Variants in GFRA1 observed in about 807,000 individuals in gnomAD.
The protein encoded by GFRA1 is GDNF family receptor alpha 1.
Under a neutral mutation model 51.6 loss-of-function variants are expected in GFRA1, and 16 were observed. The ratio of observed to expected loss-of-function variants is 0.31; its 90% CI spans 0.21 to 0.47. GFRA1 has a LOEUF of 0.47. GFRA1 is among the 20% of genes least tolerant of loss of function. The probability of loss-of-function intolerance (pLI) is 1.00; values close to 1 mark genes in which losing one functional copy is unlikely to be tolerated. For missense variants in GFRA1, 530 were observed against 594.3 expected (o/e 0.89, Z 1.13); for synonymous variants, 270 against 241.3 (o/e 1.12, Z -1.10).
chr10:116,238,826 G>T (rs1967115469), intron 4 of GFRA1, among the ~76,000 whole-genome samples: 1 of 152,008 alleles, frequency 6.6e-6, no homozygotes, highest in Non-Finnish European at 1.5e-5. Flanking sequence ...ATGCTACAAT[G>T]CCAAAAAAAA....
intron 4 of GFRA1, among the ~76,000 whole-genome samples, chr10:116,212,223 G>A (rs1434352429): frequency 6.6e-6 from 1 of 151,992 alleles, no homozygotes; most frequent in Non-Finnish European, 1.5e-5. Context: ...CTGACACCAG[G>A]AAACACACAT....
chr10:116,221,636 G>C (rs1449835105), intron 4 of GFRA1, among the ~76,000 whole-genome samples: 1 of 152,128 alleles, frequency 6.6e-6, no homozygotes, highest in African/African-American at 2.4e-5. Context: ...TGTTGGCCAG[G>C]CTGGTCTCAA....
chr10:116,080,352 C>T (rs1299513139), intron 9 of GFRA1, among the ~76,000 whole-genome samples: 2 of 152,126 alleles, frequency 1.3e-5, no homozygotes. Flanking sequence ...GTTTCAACTC[C>T]GGCTTCCTTA....
Position 116,225,166 on chromosome 10 carries a change from C to A in GFRA1, c.419-13521G>T, listed in dbSNP as rs551209606. The stretch of plus-strand genomic sequence containing the variant: ...TATGATCTAAGTAAAACTCAGACAC[C>A]AGATTACAAAAACTTAGGTCACCAA... On this transcript the variant is annotated intron_variant, in intron 4 of 10. Transcript: ENST00000355422. 1.1e-4 allele frequency among the ~76,000 whole-genome samples: 16 copies of A among 152,152 alleles called. No homozygotes were observed. The South Asian group carries it at 3.3e-3, about 32-fold the overall frequency.
In GFRA1 at chr10:116,102,405, T is replaced by C. The variant is rs541229173; in HGVS notation, c.771-5641A>G. 1.9e-3 allele frequency among the ~76,000 whole-genome samples: 293 copies of C among 152,286 alleles called. 1 individual carries two copies. The highest frequency in any genetic ancestry group is 6.7e-3 in the African/African-American group (279 of 41,568). ...AGAGGGTAGTGAGTCTATCAGTGAA[T>C]TAGGCCCCCCTTTATAAAGGAGTCT... On this transcript the variant is annotated intron_variant, in intron 6 of 10. Transcript: ENST00000355422.
At chr10:116,263,487 A>G (rs1454330096) in intron 4 of GFRA1, among the ~76,000 whole-genome samples, 3 of 152,170 alleles carry the variant, frequency 2.0e-5, no homozygotes, top group Non-Finnish European at 4.4e-5. Context: ...GGATTCATTC[A>G]CCCAGGTTGG....
intron 4 of GFRA1, among the ~76,000 whole-genome samples, chr10:116,254,529 A>AAAAAG (rs1487389687): frequency 6.6e-6 from 1 of 151,874 alleles, no homozygotes; most frequent in Admixed American, 6.6e-5. Context: ...AGAAGAAGAA[A>AAAAAG]AAAAGAAAGA....
At chr10:116,177,212 T>C (rs1961711092) in intron 5 of GFRA1, among the ~76,000 whole-genome samples, 1 of 152,172 alleles carries the variant, frequency 6.6e-6, no homozygotes, top group Non-Finnish European at 1.5e-5. Context: ...CAGGGTCTTC[T>C]GACTAGACAA....
intron 5 of GFRA1, among the ~76,000 whole-genome samples, chr10:116,178,065 T>C (rs1370515254): frequency 1.3e-5 from 2 of 152,210 alleles, no homozygotes; most frequent in Admixed American, 1.3e-4. Context: ...AGTTGACATA[T>C]AAAATTAGAT....
At chr10:116,086,556 C>T (rs1178435128) in intron 9 of GFRA1, among the ~76,000 whole-genome samples, 10 of 152,184 alleles carry the variant, frequency 6.6e-5, no homozygotes, top group African/African-American at 2.4e-4. Context: ...GCCCTTATCC[C>T]TTATTCCCTG....
intron 4 of GFRA1, among the ~76,000 whole-genome samples, chr10:116,258,806 T>C (rs1969087982): frequency 6.6e-6 from 1 of 152,174 alleles, no homozygotes; most frequent in Admixed American, 6.5e-5. Flanking sequence ...AAGCAAGTTA[T>C]GACATATAAA....
chr10:116,181,792 C>CGCGCCT (rs1435882881), intron 5 of GFRA1, among the ~76,000 whole-genome samples: 1 of 152,076 alleles, frequency 6.6e-6, no homozygotes. Flanking sequence ...CGCCCGCGCC[C>CGCGCCT]GCTACTATGC....
intron 5 of GFRA1, among the ~76,000 whole-genome samples, chr10:116,208,833 T>C (rs1484213118): frequency 1.3e-5 from 2 of 152,230 alleles, no homozygotes; most frequent in African/African-American, 4.8e-5. Context: ...TAGTAAATGA[T>C]TGGTATTAAA....
chr10:116,251,892 G>T (rs1968397265), intron 4 of GFRA1, among the ~76,000 whole-genome samples: 2 of 149,804 alleles, frequency 1.3e-5, no homozygotes, highest in South Asian at 4.4e-4. Flanking sequence ...GCAGGAGGGA[G>T]GGCAAAAGAG....
chr10:116,071,507 T>A (rs1215680674), intron 9 of GFRA1, among the ~76,000 whole-genome samples: 2 of 152,150 alleles, frequency 1.3e-5, no homozygotes, highest in African/African-American at 4.8e-5. Flanking sequence ...CCTCCAATAA[T>A]GGGTGCATAG....
chr10:116,202,162 G>A (rs1299348329), intron 5 of GFRA1, among the ~76,000 whole-genome samples: 1 of 152,142 alleles, frequency 6.6e-6, no homozygotes, highest in African/African-American at 2.4e-5. Flanking sequence ...CTCTCTAGGA[G>A]CTCAATCGGG....
intron 8 of GFRA1, among the ~76,000 whole-genome samples, chr10:116,092,751 G>A (rs769914804): frequency 2.0e-5 from 3 of 152,132 alleles, no homozygotes; most frequent in Non-Finnish European, 4.4e-5. Context: ...AACCACCTAT[G>A]TCTATGAGGA....
intron 5 of GFRA1, among the ~76,000 whole-genome samples, chr10:116,149,592 C>A (rs1344521612): frequency 2.0e-5 from 3 of 152,136 alleles, no homozygotes; most frequent in South Asian, 2.1e-4. Context: ...TACTGATGAA[C>A]AATTTCCAAG....
chr10:116,064,041 AT>A lies in GFRA1; in HGVS notation c.*356del. 1 of 93,278 alleles carries A rather than the reference AT, an allele frequency of 1.1e-5. No individual in the cohort carries two copies. Among genetic ancestry groups the A allele is most frequent in the Non-Finnish European group, 1.6e-5 (1 of 61,954 alleles). The allele number at this position is 93,278 out of a possible 1,614,324, so 5.8% of individuals were successfully genotyped here. A position where few individuals can be genotyped will look rare whatever the true frequency, so the allele number is the denominator to read the frequency against. On this transcript the variant is annotated 3_prime_UTR_variant, in exon 11 of 11. Coordinates refer to ENST00000355422, the MANE Select transcript of GFRA1 (RefSeq NM_005264.8). ...GGCCAGAAGTAAAACTGTTAAAATC[AT>A]CATCATGATCATGATGATCATCATC...
Sources: gnomAD v4.1 joint callset for allele counts (sites outside exome capture counted in the v4.1 genomes callset) on GRCh38, gnomAD v4.1.1 for gene constraint, MANE v1.5 for transcripts, NCBI Gene and HGNC (gene_info 2026-07-23, HGNC 2026-07-21) for gene names.